PPM1D: variants seen among roughly 807,000 people sequenced by gnomAD.
The protein encoded by PPM1D is protein phosphatase, Mg2+/Mn2+ dependent 1D, also known as protein phosphatase 1D.
In PPM1D, 52 loss-of-function variants were observed where a neutral mutation model predicts 58.3. The observed-to-expected ratio is 0.89, with a 90% CI of 0.71 to 1.12. PPM1D has a LOEUF of 1.12. PPM1D is among the 50% of genes most tolerant of loss of function. The pLI is 0.00. For missense variants in PPM1D, 564 were observed against 777.2 expected (o/e 0.73, Z 3.26); for synonymous variants, 278 against 285.1 (o/e 0.98, Z 0.25).
intron 4 of PPM1D, among the ~76,000 whole-genome samples, chr17:60,651,432 T>A (rs1431000150): frequency 2.0e-5 from 3 of 150,580 alleles, no homozygotes; most frequent in Admixed American, 2.0e-4. Context: ...GTAATCTCGC[T>A]GTGTTGCCAG....
intron 1 of PPM1D, among the ~76,000 whole-genome samples, chr17:60,608,553 C>T (rs1289735282): frequency 6.6e-6 from 1 of 151,926 alleles, no homozygotes; most frequent in East Asian, 1.9e-4. Flanking sequence ...ATCAACGACA[C>T]TGCACTCCAG....
chr17:60,604,400 T>C (rs2030286471), intron 1 of PPM1D, among the ~76,000 whole-genome samples: 2 of 152,260 alleles, frequency 1.3e-5, no homozygotes, highest in South Asian at 2.1e-4. Context: ...CCAAGTCTTA[T>C]TAACACAGTT....
chr17:60,644,189 C>G (rs1567974100), intron 3 of PPM1D, among the ~76,000 whole-genome samples: 1 of 151,860 alleles, frequency 6.6e-6, no homozygotes, highest in Non-Finnish European at 1.5e-5. Context: ...AAAGAACTAT[C>G]TTGAACTCTT....
At chr17:60,633,706 T>G in intron 2 of PPM1D, 147 bp from the exon 3 acceptor site, 1 of 859,550 alleles carries the variant, frequency 1.2e-6, no homozygotes, top group Non-Finnish European at 1.7e-6. Context: ...AACAGGAATT[T>G]TGGCTTATGC....
chr17:60,621,349 G>A (rs2098389094), intron 1 of PPM1D, among the ~76,000 whole-genome samples: 1 of 152,008 alleles, frequency 6.6e-6, no homozygotes. Context: ...GTTTTCCAGT[G>A]CCATTTATTG....
At chr17:60,650,015 A>G (rs1446686327) in intron 4 of PPM1D, among the ~76,000 whole-genome samples, 1 of 152,212 alleles carries the variant, frequency 6.6e-6, no homozygotes, top group Non-Finnish European at 1.5e-5. Flanking sequence ...GCATAAAGAC[A>G]AAAACCAGTT....
intron 2 of PPM1D, among the ~76,000 whole-genome samples, chr17:60,631,183 A>C (rs533287317): frequency 6.6e-6 from 1 of 152,170 alleles, no homozygotes; most frequent in African/African-American, 2.4e-5. Context: ...TCTCTACAAA[A>C]AAATTACATG....
intron 1 of PPM1D, among the ~76,000 whole-genome samples, chr17:60,617,940 C>T (rs1334028123): frequency 6.6e-6 from 1 of 152,210 alleles, no homozygotes; most frequent in Non-Finnish European, 1.5e-5. Context: ...AAACTACCTT[C>T]CTGACTTTCA....
chr17:60,643,970 C>G (rs1000478466), intron 3 of PPM1D, among the ~76,000 whole-genome samples: 1 of 142,312 alleles, frequency 7.0e-6, no homozygotes, highest in Non-Finnish European at 1.5e-5. Context: ...CTGCTATGTC[C>G]GCTTTCTGGG....
intron 2 of PPM1D, among the ~76,000 whole-genome samples, chr17:60,626,170 A>T (rs551374397): frequency 1.3e-5 from 2 of 152,286 alleles, no homozygotes; most frequent in South Asian, 4.1e-4. Flanking sequence ...GTTTTTGTGC[A>T]CTTGCCAGTA....
chr17:60,647,745 AT>A (rs2031274386), intron 3 of PPM1D, 146 bp from the exon 4 acceptor site: 5 of 730,754 alleles, frequency 6.8e-6, no homozygotes, highest in Non-Finnish European at 1.1e-5. Context: ...TTGCTAGGAA[AT>A]CTTATCATGA....
At position 60,600,751 on chromosome 17, in the gene PPM1D, GCA is replaced by G. The variant is rs1461983773; in HGVS notation, c.340_341del (p.Gln114ValfsTer23). 1 of 1,611,708 alleles carries G rather than the reference GCA, an allele frequency of 6.2e-7. No individual in the cohort carries two copies. The highest frequency in any genetic ancestry group is 8.5e-7 in the Non-Finnish European group (1 of 1,179,622). The stretch of plus-strand genomic sequence containing the variant: ...CGACGGGCACGGCGGGCGGGAGGCG[GCA>G]CAGTTTGCCCGGGAGCACTTGTGGG... ...VCDGHGGREA[A>X]QFAREHLWGF... is the part of the protein sequence containing the mutation. On this transcript the variant is annotated frameshift_variant, in exon 1 of 6. Transcript: ENST00000305921. LOFTEE classifies it high-confidence loss of function.
At position 60,653,623 on chromosome 17, in the gene PPM1D, G is replaced by T. The variant is rs370866031; in HGVS notation, c.1018-2976G>T. 6.6e-5 allele frequency among the ~76,000 whole-genome samples: 10 copies of T among 152,292 alleles called. No homozygotes were observed. In the South Asian group the frequency reaches 2.1e-3, roughly 32 times the overall value. On this transcript the variant is annotated intron_variant, in intron 4 of 5. Coordinates refer to ENST00000305921, the MANE Select transcript of PPM1D (RefSeq NM_003620.4). Reference sequence around the variant, plus strand: ...TTGAATCTTTAAATTGCTTTGGGTAGTATTGTCATGTTAACAATATTAATC... The same window carrying T: ...TTGAATCTTTAAATTGCTTTGGGTATTATTGTCATGTTAACAATATTAATC...
intron 3 of PPM1D, among the ~76,000 whole-genome samples, chr17:60,645,532 A>ATGTGTATATATATGTATATATATC (rs2031225414): frequency 8.4e-6 from 1 of 119,390 alleles, no homozygotes; most frequent in South Asian, 2.3e-4. Flanking sequence ...GTATATATAT[A>ATGTGTATATATATGTATATATATC]TGTGTATATA....
intron 5 of PPM1D, chr17:60,662,346 G>A (rs563230038): frequency 5.3e-5 from 8 of 152,078 alleles, no homozygotes; most frequent in East Asian, 1.9e-4. Flanking sequence ...AATAGGGAAC[G>A]CTTCATGAAT....
At chr17:60,660,381 G>A (rs549377885) in intron 5 of PPM1D, among the ~76,000 whole-genome samples, 1 of 152,198 alleles carries the variant, frequency 6.6e-6, no homozygotes, top group South Asian at 2.1e-4. Context: ...TGTATTTGGG[G>A]CAGTACCAGA....
At chr17:60,625,264 A>G (rs2030784982) in intron 2 of PPM1D, among the ~76,000 whole-genome samples, 1 of 152,240 alleles carries the variant, frequency 6.6e-6, no homozygotes, top group East Asian at 1.9e-4. Context: ...ATTTGGTGAA[A>G]TAAAAGTAAA....
intron 4 of PPM1D, among the ~76,000 whole-genome samples, chr17:60,649,639 A>G (rs913318902): frequency 6.6e-6 from 1 of 152,118 alleles, no homozygotes; most frequent in African/African-American, 2.4e-5. Flanking sequence ...CAGTGAGCCA[A>G]GATCATGCCA....
intron 1 of PPM1D, among the ~76,000 whole-genome samples, chr17:60,607,608 G>A (rs1598398678): frequency 1.3e-5 from 2 of 152,274 alleles, no homozygotes; most frequent in South Asian, 4.1e-4. Flanking sequence ...GCAAAAATAA[G>A]TTTTAAAGTT....
Sources: gnomAD v4.1 joint callset for allele counts (sites outside exome capture counted in the v4.1 genomes callset) on GRCh38, gnomAD v4.1.1 for gene constraint, MANE v1.5 for transcripts, NCBI Gene and HGNC (gene_info 2026-07-23, HGNC 2026-07-21) for gene names.